Variants in ZNF506 observed in about 807,000 individuals in gnomAD.
The protein encoded by ZNF506 is zinc finger protein 506.
Under a neutral mutation model 11.6 loss-of-function variants are expected in ZNF506, and 10 were observed. The observed-to-expected ratio is 0.86, with a 90% CI of 0.53 to 1.46. The LOEUF (loss-of-function observed/expected upper bound fraction) is 1.46. Among genes scored for constraint, ZNF506 ranks in the 40% most tolerant of loss-of-function variants. The probability of loss-of-function intolerance (pLI) is 0.00; values close to 1 mark genes in which losing one functional copy is unlikely to be tolerated. For missense variants in ZNF506, 425 were observed against 521.2 expected (o/e 0.82, Z 1.80); for synonymous variants, 156 against 173.3 (o/e 0.90, Z 0.78).
intron 3 of ZNF506, among the ~76,000 whole-genome samples, chr19:19,804,760 A>G (rs2062822409): frequency 6.6e-6 from 1 of 152,240 alleles, no homozygotes; most frequent in African/African-American, 2.4e-5. Context: ...GCCACAAAAA[A>G]GGATGAGTTC....
chr19:19,816,951 C>A (rs944199591), intron 1 of ZNF506, among the ~76,000 whole-genome samples: 3 of 151,100 alleles, frequency 2.0e-5, no homozygotes, highest in African/African-American at 7.3e-5. Context: ...ACAGGCAGCA[C>A]CACGCCTGCC....
chr19:19,801,232 C>T (rs1239738161), intron 3 of ZNF506, among the ~76,000 whole-genome samples: 2 of 151,912 alleles, frequency 1.3e-5, no homozygotes, highest in African/African-American at 4.8e-5. Flanking sequence ...GGCTCACGCC[C>T]ATAATCCCAG....
chr19:19,807,905 T>C (rs2062848066), intron 1 of ZNF506, among the ~76,000 whole-genome samples: 1 of 152,024 alleles, frequency 6.6e-6, no homozygotes, highest in Admixed American at 6.5e-5. Context: ...GAGCCTGTGT[T>C]TTCCCCCACA....
In ZNF506 at chr19:19,807,469, GTT is replaced by G. The variant is rs552773353; in HGVS notation, c.4-403_4-402del. On this transcript the variant is annotated intron_variant, in intron 1 of 3. Coordinates refer to ENST00000540806, the MANE Select transcript of ZNF506 (RefSeq NM_001099269.3). ...ATAAGCTGACGACCTTGTTATGCAGGTTTTTTTTTCCAGAAGATCTGAAATAA... is the reference window on the plus strand; with the variant it reads ...ATAAGCTGACGACCTTGTTATGCAGGTTTTTTTCCAGAAGATCTGAAATAA... Among the ~76,000 whole-genome samples the G allele has an allele frequency of 1.9e-3, 290 of 151,236 alleles. 1 individual carries two copies. The highest frequency in any genetic ancestry group is 6.7e-3 in the African/African-American group (278 of 41,242).
intron 1 of ZNF506, among the ~76,000 whole-genome samples, chr19:19,820,083 G>A (rs2062957713): frequency 6.6e-6 from 1 of 150,668 alleles, no homozygotes; most frequent in African/African-American, 2.5e-5. Flanking sequence ...GCGACAGAGT[G>A]AGACTCCATC....
At chr19:19,807,707 C>A (rs1205133460) in intron 1 of ZNF506, among the ~76,000 whole-genome samples, 2 of 151,986 alleles carry the variant, frequency 1.3e-5, no homozygotes, top group African/African-American at 4.8e-5. Context: ...TGGGGTTTCT[C>A]CATGTTGGTC....
intron 1 of ZNF506, among the ~76,000 whole-genome samples, chr19:19,815,795 T>A (rs1164743551): frequency 6.6e-6 from 1 of 152,126 alleles, no homozygotes; most frequent in African/African-American, 2.4e-5. Context: ...ACCTGGGGAG[T>A]CCCATAACCT....
chr19:19,811,096 T>C (rs555914069), intron 1 of ZNF506, among the ~76,000 whole-genome samples: 5 of 152,190 alleles, frequency 3.3e-5, no homozygotes, highest in Non-Finnish European at 7.3e-5. Flanking sequence ...TTCTAGCCAC[T>C]GCCCTGTCAA....
chr19:19,815,548 A>G (rs928094741), intron 1 of ZNF506, among the ~76,000 whole-genome samples: 1 of 152,180 alleles, frequency 6.6e-6, no homozygotes, highest in African/African-American at 2.4e-5. Context: ...CCAATCACCC[A>G]AAGTTTTATT....
In ZNF506 at chr19:19,821,653, C is replaced by T; in HGVS notation, c.-50G>A. The T allele has an allele frequency of 6.2e-7, 1 of 1,613,000 alleles. No individual in the cohort carries two copies. Among genetic ancestry groups the T allele is most frequent in the Non-Finnish European group, 8.5e-7 (1 of 1,179,138 alleles). On this transcript the variant is annotated 5_prime_UTR_variant, in exon 1 of 4. Coordinates refer to ENST00000540806, the MANE Select transcript of ZNF506 (RefSeq NM_001099269.3). ...CGTCCTAGCTGTGACCCTCCTAATA[C>T]CTGCAGGTCACAGGGCCACAGAGGC... is the stretch of plus-strand genomic sequence containing the variant.
In ZNF506 at chr19:19,793,122, A is replaced by C. The variant is rs1202219026; in HGVS notation, c.*1430T>G. Among the ~76,000 whole-genome samples, 1 of 152,056 alleles carries C rather than the reference A, an allele frequency of 6.6e-6. No homozygotes were observed. The highest frequency in any genetic ancestry group is 1.5e-5 in the Non-Finnish European group (1 of 67,990). ...TTACATCATTATTCACTGTTCAAAA[A>C]TTTTTTTCAAGAAACAAGTACACTT... is the stretch of plus-strand genomic sequence containing the variant. On this transcript the variant is annotated 3_prime_UTR_variant, in exon 4 of 4. Coordinates refer to ENST00000540806, the MANE Select transcript of ZNF506 (RefSeq NM_001099269.3).
intron 1 of ZNF506, among the ~76,000 whole-genome samples, chr19:19,812,592 AGATGT>A (rs1240952332): frequency 6.6e-6 from 1 of 152,230 alleles, no homozygotes; most frequent in Non-Finnish European, 1.5e-5. Flanking sequence ...TCAATGAACA[AGATGT>A]GAAACATCTC....
chr19:19,814,562 T>C (rs1162945052), intron 1 of ZNF506, among the ~76,000 whole-genome samples: 6 of 152,012 alleles, frequency 3.9e-5, no homozygotes, highest in Admixed American at 6.6e-5. Context: ...ATGGAAGGAC[T>C]AAGAGGTTCA....
chr19:19,808,843 CAAAAA>C (rs35282430), intron 1 of ZNF506, among the ~76,000 whole-genome samples: 2 of 82,720 alleles, frequency 2.4e-5, no homozygotes, highest in African/African-American at 9.1e-5. Flanking sequence ...GACTCTGTCT[CAAAAA>C]AAAAAAAAAA....
chr19:19,808,843 CAAAAAA>C (rs35282430), intron 1 of ZNF506, among the ~76,000 whole-genome samples: 5 of 82,720 alleles, frequency 6.0e-5, no homozygotes, highest in Admixed American at 1.4e-4. Context: ...GACTCTGTCT[CAAAAAA>C]AAAAAAAAAA....
chr19:19,803,544 T>G (rs567881906), intron 3 of ZNF506, among the ~76,000 whole-genome samples: 2 of 152,280 alleles, frequency 1.3e-5, no homozygotes, highest in East Asian at 3.9e-4. Context: ...GGATATGCAG[T>G]CTGTCCAAAA....
chr19:19,810,228 A>G (rs2062873445), intron 1 of ZNF506, among the ~76,000 whole-genome samples: 1 of 152,184 alleles, frequency 6.6e-6, no homozygotes, highest in Non-Finnish European at 1.5e-5. Context: ...GGTCCCTTAC[A>G]CTCAGCACTC....
intron 1 of ZNF506, among the ~76,000 whole-genome samples, chr19:19,807,880 A>G (rs1297964379): frequency 2.0e-5 from 3 of 152,036 alleles, no homozygotes; most frequent in Non-Finnish European, 4.4e-5. Flanking sequence ...TTTTTCAAAC[A>G]TTTAGTAAGT....
At chr19:19,809,819 G>C (rs1489656762) in intron 1 of ZNF506, among the ~76,000 whole-genome samples, 1 of 152,158 alleles carries the variant, frequency 6.6e-6, no homozygotes, top group African/African-American at 2.4e-5. Flanking sequence ...ATCCTTTAGT[G>C]CAAAGGTGGA....
Sources: allele counts gnomAD v4.1 joint callset (sites outside exome capture counted in the v4.1 genomes callset), GRCh38; gene constraint gnomAD v4.1.1; transcripts MANE v1.5; gene names NCBI Gene and HGNC (gene_info 2026-07-23, HGNC 2026-07-21).